Variants in HKDC1 observed in about 807,000 individuals in gnomAD.
HKDC1 encodes hexokinase domain containing 1, also known as hexokinase HKDC1.
HKDC1 carries 66 observed loss-of-function variants against 96.6 expected under a neutral mutation model. The ratio of observed to expected loss-of-function variants is 0.68; its 90% confidence interval spans 0.56 to 0.84. HKDC1 has a LOEUF of 0.84. HKDC1 is among the 40% of genes least tolerant of loss of function. The pLI is 0.00. For synonymous variants in HKDC1, 466 were observed against 473.1 expected, an observed-to-expected ratio of 0.98 and a Z score of 0.20; for missense variants, 1,211 against 1,208.1, an observed-to-expected ratio of 1.00 and a Z score of -0.04.
Position 69,257,119 on chromosome 10 carries a change from CA to C in HKDC1, c.1922del (p.Lys641ArgfsTer14). ...DVVDMLREAI[K>X]RRNEFDLDIV... Reference sequence around the variant, plus strand: ...TGGTGGACATGCTCAGGGAAGCCATCAAGAGGAGAAACGTAGGATGTGGTGT... The same window carrying C: ...TGGTGGACATGCTCAGGGAAGCCATCAGAGGAGAAACGTAGGATGTGGTGT... On this transcript the variant is annotated frameshift_variant, in exon 13 of 18. Transcript: ENST00000354624. LOFTEE classifies it high-confidence loss of function. 1 of 1,613,976 alleles carries C rather than the reference CA, an allele frequency of 6.2e-7. No homozygotes were observed. Among genetic ancestry groups the C allele is most frequent in the Non-Finnish European group, 8.5e-7 (1 of 1,179,872 alleles).
intron 2 of HKDC1, 21 bp downstream of exon 2, chr10:69,227,390 C>T (rs368810219): frequency 5.5e-5 from 89 of 1,613,630 alleles, no homozygotes; most frequent in Non-Finnish European, 5.9e-5. Context: ...TTGTCCGCTG[C>T]CAGGGTCCCT....
chr10:69,254,703 G>A (rs1843693684), intron 12 of HKDC1, among the ~76,000 whole-genome samples: 1 of 152,218 alleles, frequency 6.6e-6, no homozygotes, highest in African/African-American at 2.4e-5. Flanking sequence ...GTGAAGGAAT[G>A]TGGCACATCC....
intron 12 of HKDC1, among the ~76,000 whole-genome samples, chr10:69,253,270 C>T (rs1222717377): frequency 2.0e-5 from 3 of 152,030 alleles, no homozygotes; most frequent in Non-Finnish European, 4.4e-5. Context: ...TGAGGCTGGG[C>T]CTTTGCATGA....
At chr10:69,245,570 C>T (rs867161701) in intron 7 of HKDC1, among the ~76,000 whole-genome samples, 54 of 139,386 alleles carry the variant, frequency 3.9e-4, no homozygotes, top group African/African-American at 1.1e-3. Flanking sequence ...ATCCTGTCTC[C>T]AATAATAATA....
At position 69,246,228 on chromosome 10, in the gene HKDC1, T is replaced by C; in HGVS notation, c.1025T>C (p.Met342Thr). ...GKIETRHVAA[M>T]EKYKEGLANT... ...ATCGAAACACGGCACGTGGCTGCCATGGAGAAGTAAGCAAGTCCCTCTGCC... is the reference window on the plus strand; with the variant it reads ...ATCGAAACACGGCACGTGGCTGCCACGGAGAAGTAAGCAAGTCCCTCTGCC... Residue 342 changes from methionine to threonine, a missense_variant, in exon 8 of 18, where the codon ATG becomes ACG. Transcript: ENST00000354624. 1.2e-6 allele frequency: 2 copies of C among 1,613,720 alleles called. No homozygotes were observed. Among genetic ancestry groups the C allele is most frequent in the African/African-American group, 2.7e-5 (2 of 75,048 alleles).
rs1316427783 is a variant in HKDC1 at position 69,232,920 on chromosome 10, G to GC, written c.375+9dup. On this transcript the variant is annotated intron_variant, in intron 3 of 17. Transcript: ENST00000354624. ...CGCGGGAACGGCACAGAGGTACCTG[G>GC]CAGGTGGCTCCTGTGACCGCAGGGA... 2.5e-6 allele frequency: 4 copies of GC among 1,612,126 alleles called. No homozygotes were observed. The highest frequency in any genetic ancestry group is 3.4e-6 in the Non-Finnish European group (4 of 1,180,030).
intron 4 of HKDC1, among the ~76,000 whole-genome samples, chr10:69,234,121 G>A (rs536360418): frequency 1.2e-4 from 19 of 152,252 alleles, no homozygotes; most frequent in African/African-American, 4.1e-4. Context: ...GGTTGGGGGA[G>A]TTACTGTCAA....
At position 69,266,683 on chromosome 10, in the gene HKDC1, G is replaced by A; in HGVS notation, c.2680G>A (p.Asp894Asn). 1.2e-6 allele frequency: 2 copies of A among 1,614,202 alleles called. No homozygotes were observed. ...TGATGTGACATTCATGCTGTCAGAA[G>A]ATGGCAGTGGAAAAGGGGCAGCACT... is the stretch of plus-strand genomic sequence containing the variant. Reference protein sequence around the residue: ...RCDVTFMLSEDGSGKGAALIT... With the variant: ...RCDVTFMLSENGSGKGAALIT... The change falls in exon 18 of 18, where the codon GAT becomes AAT. Residue 894 changes from aspartate to asparagine, a missense_variant. Asp to Asn is a conservative substitution (Grantham distance 23). Transcript: ENST00000354624.
At chr10:69,249,620 C>T (rs577579575) in intron 10 of HKDC1, among the ~76,000 whole-genome samples, 2 of 152,304 alleles carry the variant, frequency 1.3e-5, no homozygotes, top group South Asian at 4.1e-4. Context: ...CTCAGCCTCC[C>T]GAGTAGCTGG....
chr10:69,266,153 G>A (rs559298086), intron 17 of HKDC1, among the ~76,000 whole-genome samples: 1 of 152,292 alleles, frequency 6.6e-6, no homozygotes, highest in East Asian at 1.9e-4. Context: ...CTTCACACGG[G>A]GCTCAAGAAA....
chr10:69,257,128 A>G lies in HKDC1; in HGVS notation c.1929A>G (p.Arg643=). The G allele has an allele frequency of 6.2e-7, 1 of 1,613,542 alleles. No individual in the cohort carries two copies. Among genetic ancestry groups the G allele is most frequent in the African/African-American group, 1.3e-5 (1 of 74,974 alleles). Residue 643 remains arginine (R), a synonymous_variant, in exon 13 of 18, where the codon AGA becomes AGG. Transcript: ENST00000354624. The part of the protein sequence containing the change: ...VDMLREAIKR[R]NEFDLDIVAV... ...TGCTCAGGGAAGCCATCAAGAGGAG[A>G]AACGTAGGATGTGGTGTTGAGGCTC...
intron 7 of HKDC1, among the ~76,000 whole-genome samples, chr10:69,244,128 G>T (rs568882063): frequency 6.6e-6 from 1 of 152,160 alleles, no homozygotes; most frequent in Non-Finnish European, 1.5e-5. Flanking sequence ...CTCTGTGTTT[G>T]CTGTCCACAA....
At chr10:69,242,438 A>AAC (rs202090378) in intron 6 of HKDC1, among the ~76,000 whole-genome samples, 2,791 of 151,300 alleles carry the variant, frequency 0.018, 92 homozygotes, top group African/African-American at 0.064. Flanking sequence ...AGAAAAAAAA[A>AAC]AAAAAAAAAA....
At position 69,246,160 on chromosome 10, in the gene HKDC1, G is replaced by T. The variant is rs1326675526; in HGVS notation, c.957G>T (p.Leu319=). The change falls in exon 8 of 18, where the codon CTG becomes CTT. Residue 319 remains leucine (L), a synonymous_variant. Transcript: ENST00000354624. ...TGAAGATGGCCAAGGCTGGCCTCCTGTTTGGTGGTGAGAAATCTTCTGCTC... is the reference window on the plus strand; with the variant it reads ...TGAAGATGGCCAAGGCTGGCCTCCTTTTTGGTGGTGAGAAATCTTCTGCTC... ...ILLKMAKAGL[L]FGGEKSSALH... 2.5e-6 allele frequency: 4 copies of T among 1,614,250 alleles called. No individual in the cohort carries two copies. The highest frequency in any genetic ancestry group is 2.2e-5 in the South Asian group (2 of 91,086).
intron 4 of HKDC1, among the ~76,000 whole-genome samples, chr10:69,234,763 T>C (rs1283110349): frequency 6.6e-6 from 1 of 152,246 alleles, no homozygotes; most frequent in South Asian, 2.1e-4. Context: ...GGGCAAGCAG[T>C]GCCCGCCAAG....
chr10:69,226,984 G>T (rs1053844134), intron 1 of HKDC1, among the ~76,000 whole-genome samples: 1 of 152,166 alleles, frequency 6.6e-6, no homozygotes, highest in Admixed American at 6.6e-5. Context: ...CTTCAGAGAA[G>T]TAACTCCACA....
At position 69,246,107 on chromosome 10, in the gene HKDC1, C is replaced by A; in HGVS notation, c.904C>A (p.Leu302Met). The change falls in exon 8 of 18, where the codon CTG becomes ATG. Residue 302 changes from leucine (L) to methionine (M), a missense_variant. Coordinates refer to ENST00000354624, the MANE Select transcript of HKDC1 (RefSeq NM_025130.4). ...LFEKMISGLY[L>M]GELVRLILLK... Reference sequence around the variant, plus strand: ...CGAGAAGATGATCAGTGGCCTGTACCTGGGGGAGCTTGTCAGGCTTATCTT... The same window carrying A: ...CGAGAAGATGATCAGTGGCCTGTACATGGGGGAGCTTGTCAGGCTTATCTT... 6.2e-7 allele frequency: 1 copy of A among 1,614,234 alleles called. No individual in the cohort carries two copies.
chr10:69,225,298 T>C (rs1363632799), intron 1 of HKDC1, among the ~76,000 whole-genome samples: 1 of 152,130 alleles, frequency 6.6e-6, no homozygotes, highest in Non-Finnish European at 1.5e-5. Flanking sequence ...AGAATCAAGT[T>C]TGGTTCCCAC....
At chr10:69,247,298 C>G in intron 8 of HKDC1, 62 bp from the exon 9 acceptor site, 1 of 1,113,888 alleles carries the variant, frequency 9.0e-7, no homozygotes, top group Non-Finnish European at 1.4e-6. Flanking sequence ...GAAGCTTGTT[C>G]CCCCAGGAGG....
Sources: allele counts gnomAD v4.1 joint callset (sites outside exome capture counted in the v4.1 genomes callset), GRCh38; gene constraint gnomAD v4.1.1; transcripts MANE v1.5; gene names NCBI Gene and HGNC (gene_info 2026-07-23, HGNC 2026-07-21).